Variants in NKAIN3 observed in about 807,000 individuals in gnomAD.
NKAIN3 encodes sodium/potassium transporting ATPase interacting 3.
In NKAIN3, 25 loss-of-function variants were observed where a neutral mutation model predicts 30.2. That is an observed-to-expected ratio of 0.83 (90% confidence interval 0.60 to 1.16). The LOEUF (loss-of-function observed/expected upper bound fraction) is 1.16. NKAIN3 is among the 50% of genes most tolerant of loss of function. The probability of loss-of-function intolerance (pLI) is 0.00; values close to 1 mark genes in which losing one functional copy is unlikely to be tolerated. For missense variants in NKAIN3, 225 were observed against 254.1 expected (o/e 0.89, Z 0.78); for synonymous variants, 91 against 89.6 (o/e 1.02, Z -0.09).
intron 4 of NKAIN3, among the ~76,000 whole-genome samples, chr8:62,850,342 A>T (rs1365770367): frequency 6.6e-6 from 1 of 152,030 alleles, no homozygotes; most frequent in African/African-American, 2.4e-5. Context: ...TTCATTGTAG[A>T]TTCTGCATAT....
At chr8:62,346,761 T>C (rs1816019413) in intron 1 of NKAIN3, among the ~76,000 whole-genome samples, 1 of 152,092 alleles carries the variant, frequency 6.6e-6, no homozygotes, top group Admixed American at 6.6e-5. Context: ...ACCATCAGGG[T>C]TACTGCAAAC....
intron 1 of NKAIN3, among the ~76,000 whole-genome samples, chr8:62,401,155 T>A (rs1803856594): frequency 6.6e-6 from 1 of 152,042 alleles, no homozygotes; most frequent in African/African-American, 2.4e-5. Context: ...TCTGTGTATT[T>A]TCACATAGCC....
chr8:62,576,210 A>G (rs1810104274), intron 1 of NKAIN3, among the ~76,000 whole-genome samples: 1 of 152,046 alleles, frequency 6.6e-6, no homozygotes, highest in Non-Finnish European at 1.5e-5. Context: ...ATTGCAAACT[A>G]CCCATCTGAC....
chr8:62,688,755 C>A (rs1007267807), intron 3 of NKAIN3, among the ~76,000 whole-genome samples: 1 of 151,946 alleles, frequency 6.6e-6, no homozygotes, highest in African/African-American at 2.4e-5. Flanking sequence ...CACACACACA[C>A]ACACACACAC....
chr8:62,931,845 C>T (rs951718437), intron 5 of NKAIN3, among the ~76,000 whole-genome samples: 1 of 152,142 alleles, frequency 6.6e-6, no homozygotes, highest in Non-Finnish European at 1.5e-5. Flanking sequence ...TTTCATATGG[C>T]TTGACAGACA....
intron 1 of NKAIN3, among the ~76,000 whole-genome samples, chr8:62,400,795 A>C (rs72649395): frequency 0.073 from 11,022 of 151,002 alleles, 536 homozygotes; most frequent in Middle Eastern, 0.17. Flanking sequence ...CATGTATTGG[A>C]GCTCCATTGT....
chr8:62,419,910 C>T (rs1460447592), intron 1 of NKAIN3, among the ~76,000 whole-genome samples: 1 of 152,130 alleles, frequency 6.6e-6, no homozygotes, highest in Non-Finnish European at 1.5e-5. Context: ...CCTTTGAAAC[C>T]CATGTTCAAT....
chr8:62,627,424 C>G (rs1416803386), intron 3 of NKAIN3, among the ~76,000 whole-genome samples: 1 of 151,910 alleles, frequency 6.6e-6, no homozygotes, highest in Admixed American at 6.6e-5. Context: ...TGGCTGGGAC[C>G]AGGGATGGTG....
At chr8:62,324,370 C>A (rs188323395) in intron 1 of NKAIN3, among the ~76,000 whole-genome samples, 3 of 152,054 alleles carry the variant, frequency 2.0e-5, no homozygotes, top group Non-Finnish European at 4.4e-5. Context: ...TGATTACGAC[C>A]TAAAAATATG....
chr8:62,393,998 A>C (rs1817652714), intron 1 of NKAIN3, among the ~76,000 whole-genome samples: 1 of 152,182 alleles, frequency 6.6e-6, no homozygotes, highest in Admixed American at 6.5e-5. Flanking sequence ...AGGTTCTTTA[A>C]GATTTTCTAC....
intron 1 of NKAIN3, among the ~76,000 whole-genome samples, chr8:62,265,375 A>G (rs1003567840): frequency 2.0e-5 from 3 of 152,184 alleles, no homozygotes; most frequent in Admixed American, 1.3e-4. Flanking sequence ...TTGGGAAATT[A>G]TTTCTTTGAA....
At chr8:62,773,499 C>T (rs1408863515) in intron 4 of NKAIN3, among the ~76,000 whole-genome samples, 1 of 152,012 alleles carries the variant, frequency 6.6e-6, no homozygotes, top group African/African-American at 2.4e-5. Context: ...GTTATTTTTC[C>T]TCAGGATAGC....
intron 1 of NKAIN3, among the ~76,000 whole-genome samples, chr8:62,434,545 G>A (rs1805111469): frequency 6.6e-6 from 1 of 152,086 alleles, no homozygotes. Flanking sequence ...TATGATTTTA[G>A]GGAAATTTTA....
intron 3 of NKAIN3, among the ~76,000 whole-genome samples, chr8:62,628,212 G>A (rs925700877): frequency 5.9e-5 from 9 of 152,126 alleles, no homozygotes; most frequent in Admixed American, 3.3e-4. Flanking sequence ...ATCACGTAAG[G>A]CATGGGCCTG....
chr8:62,471,548 G>A (rs1408538779), intron 1 of NKAIN3, among the ~76,000 whole-genome samples: 1 of 152,196 alleles, frequency 6.6e-6, no homozygotes, highest in Non-Finnish European at 1.5e-5. Context: ...ACACTCAGCT[G>A]TCTCCTGTTG....
chr8:62,824,394 C>G (rs1818953069), intron 4 of NKAIN3, among the ~76,000 whole-genome samples: 1 of 151,722 alleles, frequency 6.6e-6, no homozygotes. Flanking sequence ...TATTAGGTAC[C>G]CAACCTACTG....
At position 62,898,053 on chromosome 8, in the gene NKAIN3, A is replaced by C. The variant is rs564230506; in HGVS notation, c.472-20400A>C. ...CACCTCAAGGTGCAAATTCAAGTGC[A>C]CCTGAATTTCATCAAAGCATTTAGC... On this transcript the variant is annotated intron_variant, in intron 4 of 6. Transcript: ENST00000623646. Among the ~76,000 whole-genome samples the C allele has an allele frequency of 1.8e-4, 27 of 152,334 alleles. 1 individual carries two copies. Among genetic ancestry groups the C allele is most frequent in the African/African-American group, 6.5e-4 (27 of 41,574 alleles).
chr8:62,891,254 T>C (rs373838946), intron 4 of NKAIN3, among the ~76,000 whole-genome samples: 1 of 152,240 alleles, frequency 6.6e-6, no homozygotes, highest in East Asian at 1.9e-4. Flanking sequence ...ACTTACTTGC[T>C]GAGTCTTCTG....
chr8:62,678,110 G>C (rs1055199426), intron 3 of NKAIN3, among the ~76,000 whole-genome samples: 2 of 152,110 alleles, frequency 1.3e-5, no homozygotes, highest in Non-Finnish European at 2.9e-5. Flanking sequence ...ATGTTATTTT[G>C]AGTGGCTAAA....
Sources: allele counts gnomAD v4.1 joint callset (sites outside exome capture counted in the v4.1 genomes callset), GRCh38; gene constraint gnomAD v4.1.1; transcripts MANE v1.5; gene names NCBI Gene and HGNC (gene_info 2026-07-23, HGNC 2026-07-21).